Variants in PTPN14 observed in about 807,000 individuals in gnomAD.
The protein encoded by PTPN14 is protein tyrosine phosphatase non-receptor type 14.
PTPN14 carries 53 observed loss-of-function variants against 126.8 expected under a neutral mutation model. The observed-to-expected ratio is 0.42, with a 90% confidence interval of 0.34 to 0.53. The LOEUF (loss-of-function observed/expected upper bound fraction) is 0.53. PTPN14 is among the 20% of genes least tolerant of loss of function. The pLI, the probability that PTPN14 is intolerant of heterozygous loss-of-function variation, is 0.08. For synonymous variants in PTPN14, 630 were observed against 599.3 expected (o/e 1.05, Z -0.75); for missense variants, 1,257 against 1,552.9 (o/e 0.81, Z 3.20).
At chr1:214,477,035 G>A (rs1180343312) in intron 1 of PTPN14, among the ~76,000 whole-genome samples, 1 of 152,130 alleles carries the variant, frequency 6.6e-6, no homozygotes, top group African/African-American at 2.4e-5. Context: ...ATCACTAAGA[G>A]AAAAAATATG....
At chr1:214,535,856 C>A (rs140240138) in intron 1 of PTPN14, among the ~76,000 whole-genome samples, 1,777 of 152,000 alleles carry the variant, frequency 0.012, 16 homozygotes, top group Non-Finnish European at 0.018. Flanking sequence ...ATCTCAAAGA[C>A]CCTCACCTAT....
chr1:214,543,373 T>C (rs1655889228), intron 1 of PTPN14, among the ~76,000 whole-genome samples: 1 of 152,126 alleles, frequency 6.6e-6, no homozygotes, highest in South Asian at 2.1e-4. Context: ...AGCAAAATAT[T>C]AAGAACCATA....
At chr1:214,369,806 T>G in intron 16 of PTPN14, 115 bp from the exon 17 acceptor site, 2 of 890,350 alleles carry the variant, frequency 2.2e-6, no homozygotes, top group East Asian at 2.4e-5. Context: ...GCTAGTTCAG[T>G]AGCACTCTGC....
Position 214,372,702 on chromosome 1 carries a change from T to A in PTPN14, c.3036+9A>T, listed in dbSNP as rs1390232550. 6.2e-7 allele frequency: 1 copy of A among 1,613,840 alleles called. No homozygotes were observed. Among genetic ancestry groups the A allele is most frequent in the Non-Finnish European group, 8.5e-7 (1 of 1,179,944 alleles). ...GGAAAAAGGATGTGGAGTAGGCCAT[T>A]CCCCTTACCTCCTCTGCAGTGACCA... On this transcript the variant is annotated intron_variant, in intron 16 of 18. Transcript: ENST00000366956.
rs542445910 is a variant in PTPN14 at position 214,449,620 on chromosome 1, G to A, written c.344+2185C>T. Among the ~76,000 whole-genome samples the A allele has an allele frequency of 1.8e-4, 27 of 152,290 alleles. No homozygotes were observed. The South Asian group carries it at 3.9e-3, about 22-fold the overall frequency. On this transcript the variant is annotated intron_variant, in intron 3 of 18. Coordinates refer to ENST00000366956, the MANE Select transcript of PTPN14 (RefSeq NM_005401.5). The stretch of plus-strand genomic sequence containing the variant: ...ACTCAAGGAGGATTCAAAAGCCAAC[G>A]GAAATCATCACATTTTGAGGAGTTA...
chr1:214,396,560 C>G lies in PTPN14; in HGVS notation c.758+1353G>C, dbSNP rs764315925. On this transcript the variant is annotated intron_variant, in intron 8 of 18. Transcript: ENST00000366956. ...ATCCTAGATATACTCGGAGCCCCGC[C>G]ACATGACTTCATCTAGTGGTATAAT... Among the ~76,000 whole-genome samples, 13 of 152,190 alleles carry G rather than the reference C, an allele frequency of 8.5e-5. 1 individual carries two copies. The highest frequency in any genetic ancestry group is 4.1e-4 in the South Asian group (2 of 4,826).
At chr1:214,436,072 G>T (rs867523626) in intron 3 of PTPN14, among the ~76,000 whole-genome samples, 1 of 152,164 alleles carries the variant, frequency 6.6e-6, no homozygotes, top group Non-Finnish European at 1.5e-5. Flanking sequence ...CACAAAAAAT[G>T]ACAAGATCAT....
In PTPN14 at chr1:214,551,331, G is replaced by A. The variant is rs555188749; in HGVS notation, c.-303C>T. 2.7e-4 allele frequency: 41 copies of A among 152,736 alleles called. No homozygotes were observed. The highest frequency in any genetic ancestry group is 5.3e-4 in the Non-Finnish European group (36 of 68,342). 9.5% of individuals were successfully genotyped at this position (152,736 alleles called of 1,614,324 possible). A position where few individuals can be genotyped will look rare whatever the true frequency, so the allele number is the denominator to read the frequency against. Reference sequence around the variant, plus strand: ...GCCGCAGGAGGCGAAAGGGGAGGGAGGTTTCCGCCGCGATCCCGGCGCGAG... The same window carrying A: ...GCCGCAGGAGGCGAAAGGGGAGGGAAGTTTCCGCCGCGATCCCGGCGCGAG... On this transcript the variant is annotated 5_prime_UTR_variant, in exon 1 of 19. Transcript: ENST00000366956.
intron 1 of PTPN14, among the ~76,000 whole-genome samples, chr1:214,481,512 A>AAAT (rs1491243666): frequency 1.8e-4 from 1 of 5,510 alleles, no homozygotes; most frequent in African/African-American, 1.3e-3. Flanking sequence ...ACTCCCGCTC[A>AAAT]AAAAAAAAAA....
At chr1:214,395,588 AACACACACACACACAC>A (rs57357032) in intron 8 of PTPN14, among the ~76,000 whole-genome samples, 99 of 132,544 alleles carry the variant, frequency 7.5e-4, no homozygotes, top group Non-Finnish European at 1.2e-3. Flanking sequence ...GGGACCCAAC[AACACACACACACACAC>A]ACACACACAC....
intron 5 of PTPN14, among the ~76,000 whole-genome samples, chr1:214,408,005 C>G (rs1659210879): frequency 6.6e-6 from 1 of 152,196 alleles, no homozygotes; most frequent in African/African-American, 2.4e-5. Flanking sequence ...CTCCTTCTCT[C>G]TCTGTCTAAA....
At chr1:214,522,687 A>G (rs1225702073) in intron 1 of PTPN14, among the ~76,000 whole-genome samples, 1 of 152,222 alleles carries the variant, frequency 6.6e-6, no homozygotes, top group Non-Finnish European at 1.5e-5. Context: ...TAACCAATTC[A>G]AGGCCGTTTT....
intron 5 of PTPN14, among the ~76,000 whole-genome samples, chr1:214,408,459 G>A (rs908435903): frequency 7.2e-5 from 11 of 152,086 alleles, no homozygotes; most frequent in African/African-American, 2.2e-4. Flanking sequence ...AAATTCCCCA[G>A]GGGTTAAAAC....
intron 1 of PTPN14, among the ~76,000 whole-genome samples, chr1:214,484,870 T>C (rs1278439011): frequency 6.6e-6 from 1 of 152,178 alleles, no homozygotes; most frequent in African/African-American, 2.4e-5. Flanking sequence ...TCTGAAAAGG[T>C]TGGACAATGT....
In PTPN14 at chr1:214,402,790, C is replaced by G. The variant is rs74621568; in HGVS notation, c.581+93G>C. On this transcript the variant is annotated intron_variant, in intron 6 of 18. Transcript: ENST00000366956. ...ATAAATACAAGTGTGTTGGCTCAAG[C>G]CCAGAGTTGCTGATAGGGAGATGGA... 1,421 of 1,408,036 alleles carry G rather than the reference C, an allele frequency of 1.0e-3. 17 individuals carry two copies. The African/African-American group carries it at 0.018, about 18-fold the overall frequency. The allele number at this position is 1,408,036 out of a possible 1,614,324, so 87.2% of individuals were successfully genotyped here. A position where few individuals can be genotyped will look rare whatever the true frequency, so the allele number is the denominator to read the frequency against.
At position 214,383,810 on chromosome 1, in the gene PTPN14, C is replaced by T. The variant is rs778551901; in HGVS notation, c.2045G>A (p.Gly682Asp). The change falls in exon 13 of 19, where the codon GGC becomes GAC. Residue 682 changes from glycine (G) to aspartate (D), a missense_variant. Physicochemically the swap from Gly to Asp is moderately conservative, Grantham distance 94 (BLOSUM62 -1). Coordinates refer to ENST00000366956, the MANE Select transcript of PTPN14 (RefSeq NM_005401.5). This position sits in a 1 kb window ranked among gnomAD's most constrained non-coding sequence, Gnocchi z 4.4. ...REQGPPEEGS[G>D]SHEVPQLPQY... is the part of the protein sequence containing the mutation. ...AGGGAGCTGGGGGACCTCGTGGCTG[C>T]CTGACCCCTCCTCGGGCGGTCCCTG... 6 of 1,612,640 alleles carry T rather than the reference C, an allele frequency of 3.7e-6. No individual in the cohort carries two copies. Among genetic ancestry groups the T allele is most frequent in the Non-Finnish European group, 2.5e-6 (3 of 1,180,012 alleles).
At position 214,443,535 on chromosome 1, in the gene PTPN14, G is replaced by A. The variant is rs189806263; in HGVS notation, c.344+8270C>T. On this transcript the variant is annotated intron_variant, in intron 3 of 18. Transcript: ENST00000366956. ...GTAGATTCAAATCAGTAAATCCACC[G>A]ATACTTAAGAATAAATCGCAAGATA... Among the ~76,000 whole-genome samples the A allele has an allele frequency of 1.1e-4, 17 of 152,044 alleles. No individual in the cohort carries two copies. The East Asian group carries it at 1.2e-3, about 10-fold the overall frequency.
At position 214,383,267 on chromosome 1, in the gene PTPN14, G is replaced by GGAAAGCA; in HGVS notation, c.2544+43_2544+44insTGCTTTC. 1.9e-6 allele frequency: 3 copies of GGAAAGCA among 1,579,430 alleles called. No homozygotes were observed. The highest frequency in any genetic ancestry group is 2.6e-6 in the Non-Finnish European group (3 of 1,158,068). ...GCCCCTTGCTCAGTGCCTGAAGCAT[G>GGAAAGCA]TGCTTTCACACTGGAAAATGCCCTG... is the stretch of plus-strand genomic sequence containing the variant. On this transcript the variant is annotated intron_variant, in intron 13 of 18. Transcript: ENST00000366956. This position sits in a 1 kb window ranked among gnomAD's most constrained non-coding sequence, Gnocchi z 4.4.
chr1:214,378,404 T>A (rs1160628049), intron 13 of PTPN14, among the ~76,000 whole-genome samples: 1 of 151,962 alleles, frequency 6.6e-6, no homozygotes, highest in Non-Finnish European at 1.5e-5. Context: ...AAAAACAAAA[T>A]AGGGTACATG....
Sources: allele counts gnomAD v4.1 joint callset (sites outside exome capture counted in the v4.1 genomes callset), GRCh38; gene constraint gnomAD v4.1.1; non-coding constraint Gnocchi (gnomAD v3.1); transcripts MANE v1.5; gene names NCBI Gene and HGNC (gene_info 2026-07-23, HGNC 2026-07-21).